PDZRN4: variants seen among roughly 807,000 people sequenced by gnomAD.
PDZRN4 encodes PDZ domain containing ring finger 4, also known as PDZ domain-containing RING finger protein 4.
In PDZRN4, 70 loss-of-function variants were observed where a neutral mutation model predicts 99.0. The ratio of observed to expected loss-of-function variants is 0.71; its 90% confidence interval spans 0.58 to 0.86. PDZRN4 has a LOEUF of 0.86. Ranked by LOEUF, PDZRN4 falls within the 40% of genes least tolerant of loss-of-function variation. The probability of loss-of-function intolerance (pLI) is 0.00; values close to 1 mark genes in which losing one functional copy is unlikely to be tolerated. For missense variants in PDZRN4, 1,474 were observed against 1,331.2 expected (o/e 1.11, Z -1.67); for synonymous variants, 551 against 501.6 (o/e 1.10, Z -1.32).
chr12:41,523,335 T>G (rs933073153), intron 5 of PDZRN4, among the ~76,000 whole-genome samples: 30 of 152,086 alleles, frequency 2.0e-4, no homozygotes, highest in African/African-American at 7.2e-4. Context: ...AAGAAAATGC[T>G]GGAGAAGGAG....
intron 3 of PDZRN4, among the ~76,000 whole-genome samples, chr12:41,250,235 C>T (rs1007747681): frequency 1.3e-5 from 2 of 152,114 alleles, no homozygotes; most frequent in African/African-American, 2.4e-5. Flanking sequence ...CAAAAGCGAA[C>T]AACTAATTTT....
chr12:41,410,243 C>T (rs919600660), intron 3 of PDZRN4, among the ~76,000 whole-genome samples: 9 of 152,156 alleles, frequency 5.9e-5, no homozygotes, highest in Admixed American at 4.6e-4. Context: ...GGTCATGTCT[C>T]GCCTTCTTTA....
intron 3 of PDZRN4, among the ~76,000 whole-genome samples, chr12:41,206,716 G>A (rs1950853635): frequency 6.6e-6 from 1 of 151,722 alleles, no homozygotes; most frequent in African/African-American, 2.4e-5. Flanking sequence ...TGATATATAT[G>A]AGGTGTGCAA....
chr12:41,470,554 G>T (rs1263789171), intron 3 of PDZRN4, among the ~76,000 whole-genome samples: 1 of 151,866 alleles, frequency 6.6e-6, no homozygotes, highest in East Asian at 1.9e-4. Flanking sequence ...ACAACGTGCA[G>T]GTTTGTTACA....
chr12:41,515,916 T>C (rs1024299355), intron 5 of PDZRN4, among the ~76,000 whole-genome samples: 5 of 151,952 alleles, frequency 3.3e-5, no homozygotes, highest in Non-Finnish European at 7.4e-5. Flanking sequence ...CTGCCTGGCA[T>C]TGAGGGTCCT....
At chr12:41,540,539 GA>G (rs774123555) in intron 5 of PDZRN4, among the ~76,000 whole-genome samples, 36 of 152,200 alleles carry the variant, frequency 2.4e-4, no homozygotes, top group Non-Finnish European at 4.3e-4. Context: ...TACCTATGAA[GA>G]AAACAGTAGG....
intron 5 of PDZRN4, among the ~76,000 whole-genome samples, chr12:41,543,846 A>C (rs1456733587): frequency 6.6e-6 from 1 of 152,184 alleles, no homozygotes; most frequent in Non-Finnish European, 1.5e-5. Context: ...AATGATCACT[A>C]TACCCAGTGA....
chr12:41,305,373 T>A (rs554902483), intron 3 of PDZRN4, among the ~76,000 whole-genome samples: 3 of 152,306 alleles, frequency 2.0e-5, no homozygotes, highest in South Asian at 4.1e-4. Context: ...GTGCCAAACA[T>A]GCAATAAGTA....
chr12:41,249,130 T>A (rs1445930756), intron 3 of PDZRN4, among the ~76,000 whole-genome samples: 1 of 152,180 alleles, frequency 6.6e-6, no homozygotes, highest in Non-Finnish European at 1.5e-5. Flanking sequence ...CACACACATA[T>A]ACACACACAG....
At chr12:41,206,950 C>T (rs1950855218) in intron 3 of PDZRN4, among the ~76,000 whole-genome samples, 1 of 151,888 alleles carries the variant, frequency 6.6e-6, no homozygotes, top group Admixed American at 6.6e-5. Flanking sequence ...TTTTGCTTCG[C>T]AATTCTTTGT....
intron 5 of PDZRN4, among the ~76,000 whole-genome samples, chr12:41,530,486 G>A (rs1332297985): frequency 6.6e-6 from 1 of 152,156 alleles, no homozygotes; most frequent in Non-Finnish European, 1.5e-5. Context: ...TGCTATATGG[G>A]ATTAACATTT....
intron 3 of PDZRN4, among the ~76,000 whole-genome samples, chr12:41,395,005 A>G (rs1328043894): frequency 2.0e-5 from 3 of 152,136 alleles, no homozygotes; most frequent in Admixed American, 6.6e-5. Flanking sequence ...GTATGAAATA[A>G]TTTTTTAAAC....
At chr12:41,233,896 A>G (rs922733811) in intron 3 of PDZRN4, among the ~76,000 whole-genome samples, 1 of 151,998 alleles carries the variant, frequency 6.6e-6, no homozygotes, top group Admixed American at 6.6e-5. Flanking sequence ...ATATGTAACA[A>G]GCCTGCATGT....
chr12:41,445,662 G>A (rs926179351), intron 3 of PDZRN4, among the ~76,000 whole-genome samples: 2 of 137,998 alleles, frequency 1.4e-5, no homozygotes, highest in Non-Finnish European at 3.1e-5. Context: ...CTATACTCTT[G>A]ACATGTTTAT....
In PDZRN4 at chr12:41,192,303, G is replaced by C. The variant is rs1019395138; in HGVS notation, c.735+759G>C. Among the ~76,000 whole-genome samples, 15 of 152,064 alleles carry C rather than the reference G, an allele frequency of 9.9e-5. No individual in the cohort carries two copies. In the East Asian group the frequency reaches 2.7e-3, roughly 28 times the overall value. ...ATTTGTAGCAGAGAAAATACAAAAT[G>C]TTGGCAAAGCTGGTCTCGAACTCCT... On this transcript the variant is annotated intron_variant, in intron 2 of 9. Transcript: ENST00000402685.
chr12:41,306,834 A>G (rs1320435570), intron 3 of PDZRN4, among the ~76,000 whole-genome samples: 1 of 152,164 alleles, frequency 6.6e-6, no homozygotes, highest in Admixed American at 6.5e-5. Flanking sequence ...CCTCCATATA[A>G]TGAGGATCAC....
intron 5 of PDZRN4, among the ~76,000 whole-genome samples, chr12:41,527,683 G>T (rs1490298884): frequency 1.3e-5 from 2 of 152,206 alleles, no homozygotes; most frequent in Non-Finnish European, 2.9e-5. Flanking sequence ...AAAGTCATTT[G>T]GGCAAGCTTG....
intron 3 of PDZRN4, among the ~76,000 whole-genome samples, chr12:41,357,112 G>A (rs1430102859): frequency 6.6e-6 from 1 of 151,796 alleles, no homozygotes; most frequent in African/African-American, 2.4e-5. Flanking sequence ...CCAAAATCTA[G>A]AAAGATTTAC....
intron 5 of PDZRN4, among the ~76,000 whole-genome samples, chr12:41,513,780 A>G (rs1938348481): frequency 6.6e-6 from 1 of 152,034 alleles, no homozygotes; most frequent in African/African-American, 2.4e-5. Flanking sequence ...CCCAACTCCT[A>G]ATAAAGATAT....
Sources: gnomAD v4.1 joint callset for allele counts (sites outside exome capture counted in the v4.1 genomes callset) on GRCh38, gnomAD v4.1.1 for gene constraint, MANE v1.5 for transcripts, NCBI Gene and HGNC (gene_info 2026-07-23, HGNC 2026-07-21) for gene names.